Variants in STEAP1B observed in about 807,000 individuals in gnomAD.
STEAP1B encodes the protein STEAP family protein MGC87042.
STEAP1B carries 13 observed loss-of-function variants against 27.9 expected under a neutral mutation model. The observed-to-expected ratio is 0.47, with a 90% CI of 0.30 to 0.74. The LOEUF is 0.74. Among genes scored for constraint, STEAP1B ranks in the 30% least tolerant of loss-of-function variants. The pLI, the probability that STEAP1B is intolerant of heterozygous loss-of-function variation, is 0.06. For missense variants in STEAP1B, 250 were observed against 298.7 expected (o/e 0.84, Z 1.20); for synonymous variants, 86 against 107.1 (o/e 0.80, Z 1.22).
intron 4 of STEAP1B, among the ~76,000 whole-genome samples, chr7:22,474,783 G>C (rs1785942904): frequency 6.6e-6 from 1 of 152,216 alleles, no homozygotes; most frequent in Non-Finnish European, 1.5e-5. Flanking sequence ...AACTTGGATA[G>C]AGCTCCAATC....
intron 4 of STEAP1B, among the ~76,000 whole-genome samples, chr7:22,479,965 T>A (rs2128413282): frequency 6.6e-6 from 1 of 152,230 alleles, no homozygotes; most frequent in Admixed American, 6.5e-5. Context: ...TTAAAGATTC[T>A]CTCCTCACCC....
chr7:22,467,456 TTTAG>T (rs1785804606), intron 4 of STEAP1B, among the ~76,000 whole-genome samples: 2 of 152,170 alleles, frequency 1.3e-5, no homozygotes, highest in South Asian at 2.1e-4. Context: ...CAATATAAAC[TTTAG>T]TTAAATACTG....
intron 4 of STEAP1B, among the ~76,000 whole-genome samples, chr7:22,431,601 T>C (rs1021598617): frequency 6.6e-6 from 1 of 152,222 alleles, no homozygotes; most frequent in Non-Finnish European, 1.5e-5. Context: ...TGTTTGACCT[T>C]CACCTTTGCT....
At chr7:22,452,351 A>G (rs1379138710) in intron 4 of STEAP1B, among the ~76,000 whole-genome samples, 6 of 152,122 alleles carry the variant, frequency 3.9e-5, no homozygotes, top group African/African-American at 1.4e-4. Context: ...TGAGAAACGG[A>G]AAGAAAGTGA....
At chr7:22,461,364 G>T (rs1321858415) in intron 4 of STEAP1B, among the ~76,000 whole-genome samples, 1 of 152,132 alleles carries the variant, frequency 6.6e-6, no homozygotes, top group Non-Finnish European at 1.5e-5. Context: ...CCGGGTTCAA[G>T]CGATTCTCCC....
chr7:22,466,058 C>T (rs140408891), intron 4 of STEAP1B, among the ~76,000 whole-genome samples: 267 of 152,282 alleles, frequency 1.8e-3, no homozygotes, highest in African/African-American at 6.1e-3. Context: ...GCCATACAGG[C>T]TCATTCTCAG....
intron 4 of STEAP1B, among the ~76,000 whole-genome samples, chr7:22,425,431 T>G (rs116762086): frequency 1.3e-5 from 2 of 152,164 alleles, no homozygotes; most frequent in East Asian, 1.9e-4. Flanking sequence ...AAAGCAACCC[T>G]GCAATTAAGT....
At chr7:22,486,082 G>A (rs1786203682) in intron 4 of STEAP1B, among the ~76,000 whole-genome samples, 1 of 152,180 alleles carries the variant, frequency 6.6e-6, no homozygotes, top group African/African-American at 2.4e-5. Flanking sequence ...AAATCCCAGT[G>A]CCCATTCTGC....
intron 4 of STEAP1B, 92 bp from the exon 5 acceptor site, chr7:22,419,928 A>C: frequency 7.1e-7 from 1 of 1,416,422 alleles, no homozygotes; most frequent in Non-Finnish European, 9.5e-7. Context: ...AAAACATGAG[A>C]AATTGCAAGT....
chr7:22,438,592 GCT>G, intron 4 of STEAP1B: 1 of 1,552,178 alleles, frequency 6.4e-7, no homozygotes, highest in Non-Finnish European at 8.7e-7. Context: ...AGGGCTGGCT[GCT>G]GATAAAATGA....
At chr7:22,498,607 T>A (rs567460015) in intron 1 of STEAP1B, among the ~76,000 whole-genome samples, 55 of 152,172 alleles carry the variant, frequency 3.6e-4, no homozygotes, top group African/African-American at 1.3e-3. Flanking sequence ...AGATAAAGCC[T>A]CTGCTCTGAA....
At chr7:22,481,603 G>A (rs777094266) in intron 4 of STEAP1B, among the ~76,000 whole-genome samples, 1 of 152,224 alleles carries the variant, frequency 6.6e-6, no homozygotes, top group African/African-American at 2.4e-5. Flanking sequence ...TTGCACATTA[G>A]AGTTTGAAAA....
intron 4 of STEAP1B, among the ~76,000 whole-genome samples, chr7:22,484,041 G>A (rs1196298591): frequency 1.3e-5 from 2 of 152,218 alleles, no homozygotes; most frequent in African/African-American, 4.8e-5. Flanking sequence ...CAGCTACCAG[G>A]TTGGTTCATG....
At chr7:22,498,715 G>C (rs1387690802) in intron 1 of STEAP1B, among the ~76,000 whole-genome samples, 3 of 152,220 alleles carry the variant, frequency 2.0e-5, no homozygotes, top group Admixed American at 2.0e-4. Context: ...ATGGTGGCAT[G>C]GGAAGGGAAG....
At chr7:22,430,196 C>T (rs1276953526) in intron 4 of STEAP1B, among the ~76,000 whole-genome samples, 2 of 152,140 alleles carry the variant, frequency 1.3e-5, no homozygotes, top group East Asian at 3.8e-4. Context: ...ATAACTAAAA[C>T]CCTTCTTATT....
At chr7:22,464,003 A>G (rs1785727059) in intron 4 of STEAP1B, among the ~76,000 whole-genome samples, 2 of 152,124 alleles carry the variant, frequency 1.3e-5, no homozygotes, top group South Asian at 2.1e-4. Context: ...AGAAACTACC[A>G]TCAGAGTGAA....
At chr7:22,458,285 T>G (rs1284289683) in intron 4 of STEAP1B, among the ~76,000 whole-genome samples, 4 of 152,150 alleles carry the variant, frequency 2.6e-5, no homozygotes, top group Non-Finnish European at 1.5e-5. Flanking sequence ...GTTAGTGTAC[T>G]AAAGTGCAAT....
rs1785018595 is a variant in STEAP1B, at chr7:22,419,544, G to C, written c.*260C>G. On this transcript the variant is annotated 3_prime_UTR_variant, in exon 5 of 5. Coordinates refer to ENST00000678116, the MANE Select transcript of STEAP1B (RefSeq NM_001382447.1). ...CTGATCCTCGTGTCGGGATAGGCTA[G>C]GTTAGGCTCCGTAACAACCAACACA... 1 of 315,584 alleles carries C rather than the reference G, an allele frequency of 3.2e-6. No homozygotes were observed. Among genetic ancestry groups the C allele is most frequent in the Admixed American group, 4.9e-5 (1 of 20,268 alleles). The allele number at this position is 315,584 out of a possible 1,614,324, so 19.5% of individuals were successfully genotyped here.
At chr7:22,432,377 A>T (rs777804543) in intron 4 of STEAP1B, among the ~76,000 whole-genome samples, 1 of 35,800 alleles carries the variant, frequency 2.8e-5, no homozygotes, top group Non-Finnish European at 5.3e-5. Context: ...TATACCTAAT[A>T]AATAAATAAA....
Sources: gnomAD v4.1 joint callset for allele counts (sites outside exome capture counted in the v4.1 genomes callset) on GRCh38, gnomAD v4.1.1 for gene constraint, MANE v1.5 for transcripts, NCBI Gene and HGNC (gene_info 2026-07-23, HGNC 2026-07-21) for gene names.